Variants in LRP1B observed in about 807,000 individuals in gnomAD.
LRP1B encodes the protein LDL receptor related protein 1B.
In LRP1B, 217 loss-of-function variants were observed where a neutral mutation model predicts 556.6. The observed-to-expected ratio is 0.39, with a 90% confidence interval of 0.35 to 0.44. The LOEUF (loss-of-function observed/expected upper bound fraction) is 0.44, where lower values mean the gene tolerates loss of function less well. Among genes scored for constraint, LRP1B ranks in the 20% least tolerant of loss-of-function variants. The pLI is 1.00. For missense variants in LRP1B, 5,053 were observed against 5,620.8 expected, an observed-to-expected ratio of 0.90 and a Z score of 3.23; for synonymous variants, 2,047 against 1,865.8, an observed-to-expected ratio of 1.10 and a Z score of -2.50.
At chr2:141,382,783 T>C (rs1389193923) in intron 3 of LRP1B, among the ~76,000 whole-genome samples, 2 of 152,200 alleles carry the variant, frequency 1.3e-5, no homozygotes, top group Non-Finnish European at 1.5e-5. Flanking sequence ...CAGGTGGTTG[T>C]TTGGAGAAAG....
chr2:140,294,963 A>G (rs1367944242), intron 84 of LRP1B, among the ~76,000 whole-genome samples: 1 of 151,844 alleles, frequency 6.6e-6, no homozygotes, highest in Non-Finnish European at 1.5e-5. Flanking sequence ...TGCAAGCTCC[A>G]CCTCCTGGGT....
chr2:141,930,978 A>C (rs1457339713), intron 1 of LRP1B, among the ~76,000 whole-genome samples: 1 of 152,016 alleles, frequency 6.6e-6, no homozygotes, highest in Non-Finnish European at 1.5e-5. Context: ...GCTCTTTCAC[A>C]GCTCTGAGCT....
intron 47 of LRP1B, among the ~76,000 whole-genome samples, chr2:140,532,685 A>G (rs6738341): frequency 0.5 from 74,852 of 151,190 alleles, 18,827 homozygotes; most frequent in East Asian, 0.61. Flanking sequence ...ATGAGCCACC[A>G]CGCCTGGCCC....
At chr2:141,148,805 C>G (rs186394745) in intron 7 of LRP1B, among the ~76,000 whole-genome samples, 1 of 151,970 alleles carries the variant, frequency 6.6e-6, no homozygotes, top group Non-Finnish European at 1.5e-5. Flanking sequence ...ACAAGGAGGC[C>G]GGGCATGGTG....
chr2:140,540,361 GA>G (rs1409825597), intron 45 of LRP1B, among the ~76,000 whole-genome samples: 1 of 151,996 alleles, frequency 6.6e-6, no homozygotes, highest in Non-Finnish European at 1.5e-5. Flanking sequence ...TGGCAATATT[GA>G]AACACTTGAA....
intron 5 of LRP1B, among the ~76,000 whole-genome samples, chr2:141,246,268 A>C (rs2105325142): frequency 6.6e-6 from 1 of 152,302 alleles, no homozygotes; most frequent in Middle Eastern, 3.4e-3. Context: ...ATTAATGTGA[A>C]TATCACAGGA....
At chr2:141,354,299 A>G (rs1054054687) in intron 3 of LRP1B, among the ~76,000 whole-genome samples, 15 of 152,080 alleles carry the variant, frequency 9.9e-5, no homozygotes, top group African/African-American at 3.6e-4. Flanking sequence ...CTAAACCAGA[A>G]CCAAGATGTA....
intron 62 of LRP1B, among the ~76,000 whole-genome samples, chr2:140,451,416 A>G (rs1473704888): frequency 6.6e-6 from 1 of 152,230 alleles, no homozygotes; most frequent in Non-Finnish European, 1.5e-5. Context: ...CAGTTGAACT[A>G]ATTTAGGTAA....
At chr2:142,078,957 A>T (rs1349315209) in intron 1 of LRP1B, among the ~76,000 whole-genome samples, 2 of 152,172 alleles carry the variant, frequency 1.3e-5, no homozygotes, top group African/African-American at 4.8e-5. Flanking sequence ...TCTAGCCTTA[A>T]ATCAGTTGTA....
At chr2:140,291,298 T>TATATA (rs1683362365) in intron 84 of LRP1B, among the ~76,000 whole-genome samples, 3 of 72,000 alleles carry the variant, frequency 4.2e-5, no homozygotes, top group African/African-American at 1.0e-4. Context: ...AAATTTTATT[T>TATATA]TATATATATA....
chr2:141,405,240 T>A (rs1454529154), intron 3 of LRP1B, among the ~76,000 whole-genome samples: 1 of 152,222 alleles, frequency 6.6e-6, no homozygotes, highest in East Asian at 1.9e-4. Flanking sequence ...CCTACCAAAA[T>A]GATTGCTTTC....
intron 49 of LRP1B, among the ~76,000 whole-genome samples, chr2:140,518,876 A>T (rs149239751): frequency 0.015 from 2,269 of 152,292 alleles, 53 homozygotes; most frequent in African/African-American, 0.052. Context: ...TCATCTGCAA[A>T]CACGGACAAT....
chr2:140,788,769 T>G (rs1690001425), intron 32 of LRP1B, among the ~76,000 whole-genome samples: 1 of 152,142 alleles, frequency 6.6e-6, no homozygotes, highest in Non-Finnish European at 1.5e-5. Context: ...CCCCACAAAA[T>G]GTATATGTTG....
chr2:141,193,938 GATTTA>G (rs910005699), intron 6 of LRP1B, among the ~76,000 whole-genome samples: 1 of 151,890 alleles, frequency 6.6e-6, no homozygotes, highest in African/African-American at 2.4e-5. Context: ...CTTCTCTATG[GATTTA>G]ATTTGTTTAA....
chr2:140,670,802 G>A (rs1574221210), intron 41 of LRP1B, among the ~76,000 whole-genome samples: 1 of 152,098 alleles, frequency 6.6e-6, no homozygotes, highest in African/African-American at 2.4e-5. Context: ...ATAAAATTAC[G>A]ACATATTAGG....
At chr2:141,929,987 G>A (rs1376771372) in intron 1 of LRP1B, among the ~76,000 whole-genome samples, 1 of 144,110 alleles carries the variant, frequency 6.9e-6, no homozygotes, top group Non-Finnish European at 1.5e-5. Context: ...CTTTCAAAAT[G>A]TCATGAGGAC....
At chr2:140,638,588 T>G (rs905192628) in intron 41 of LRP1B, among the ~76,000 whole-genome samples, 3 of 152,138 alleles carry the variant, frequency 2.0e-5, no homozygotes, top group African/African-American at 4.8e-5. Flanking sequence ...TAAATAAAGG[T>G]ATGTTTGGTT....
At chr2:140,432,601 G>A (rs752625627) in intron 66 of LRP1B, among the ~76,000 whole-genome samples, 6 of 152,154 alleles carry the variant, frequency 3.9e-5, no homozygotes, top group Non-Finnish European at 7.3e-5. Flanking sequence ...TGTCCCTAAC[G>A]ATCTGCTTCC....
At chr2:140,464,786 CT>C (rs1474541694) in intron 60 of LRP1B, among the ~76,000 whole-genome samples, 1 of 152,120 alleles carries the variant, frequency 6.6e-6, no homozygotes, top group African/African-American at 2.4e-5. Flanking sequence ...ATAGGAATTT[CT>C]TTGTTAGAGA....
Sources: gnomAD v4.1 joint callset for allele counts (sites outside exome capture counted in the v4.1 genomes callset) on GRCh38, gnomAD v4.1.1 for gene constraint, MANE v1.5 for transcripts, NCBI Gene and HGNC (gene_info 2026-07-23, HGNC 2026-07-21) for gene names.